The following TMCO5A variants were observed in gnomAD, a reference collection of about 807,000 sequenced individuals.
The protein encoded by TMCO5A is transmembrane and coiled-coil domain-containing protein 5A.
A neutral mutation model predicts 42.3 loss-of-function variants in TMCO5A; 34 were observed. The ratio of observed to expected loss-of-function variants is 0.80; its 90% CI spans 0.61 to 1.07. The LOEUF is 1.07. Ranked by LOEUF, TMCO5A falls within the 50% of genes least tolerant of loss-of-function variation. The pLI is 0.00. For synonymous variants in TMCO5A, 131 were observed against 115.6 expected (o/e 1.13, Z -0.86); for missense variants, 357 against 327.9 (o/e 1.09, Z -0.69).
the TMCO5A span, among the ~76,000 whole-genome samples, chr15:37,984,402 A>C: frequency 6.6e-6 from 1 of 152,204 alleles, no homozygotes; most frequent in Non-Finnish European, 1.5e-5. Context: ...AGGGACTTTC[A>C]GAGGACCAGA....
the TMCO5A span, among the ~76,000 whole-genome samples, chr15:38,035,686 T>C: frequency 6.6e-6 from 1 of 152,154 alleles, no homozygotes; most frequent in South Asian, 2.1e-4. Flanking sequence ...GTGGCAGCAT[T>C]TACCCTTTAG....
At chr15:37,955,890 A>G (rs1037915606), downstream of TMCO5A, among the ~76,000 whole-genome samples, 5 of 152,136 alleles carry the variant, frequency 3.3e-5, no homozygotes, top group Admixed American at 6.6e-5. Context: ...ATCATAACAA[A>G]CAGCCTCTCA....
chr15:37,945,238 G>C (rs1244963408), intron 10 of TMCO5A, among the ~76,000 whole-genome samples: 1 of 152,076 alleles, frequency 6.6e-6, no homozygotes, highest in Non-Finnish European at 1.5e-5. Context: ...AGTATTCCAT[G>C]ATGTATATAT....
downstream of TMCO5A, among the ~76,000 whole-genome samples, chr15:37,955,880 A>G (rs1182858802): frequency 6.6e-6 from 1 of 152,198 alleles, no homozygotes; most frequent in African/African-American, 2.4e-5. Flanking sequence ...AAGAATGGAA[A>G]TCATAACAAA....
chr15:37,952,229 G>T (rs1434341634), downstream of TMCO5A, among the ~76,000 whole-genome samples: 2 of 152,034 alleles, frequency 1.3e-5, no homozygotes, highest in African/African-American at 2.4e-5. Flanking sequence ...GGCAGGGAGT[G>T]GGGGTGGTCA....
chr15:37,952,937 T>C (rs1395892878), downstream of TMCO5A, among the ~76,000 whole-genome samples: 2 of 152,188 alleles, frequency 1.3e-5, no homozygotes, highest in Non-Finnish European at 2.9e-5. Flanking sequence ...GTACTCCCCA[T>C]AGGCCTATGG....
the TMCO5A span, among the ~76,000 whole-genome samples, chr15:38,014,580 G>A: frequency 6.6e-6 from 1 of 152,080 alleles, no homozygotes; most frequent in Non-Finnish European, 1.5e-5. Flanking sequence ...AAGAGTTAGA[G>A]GGATTTCTGA....
At chr15:38,031,184 CCTGTGGATGGACT>C in the TMCO5A span, among the ~76,000 whole-genome samples, 7 of 152,138 alleles carry the variant, frequency 4.6e-5, no homozygotes, top group Non-Finnish European at 1.0e-4. Flanking sequence ...AATCTCCAGT[CCTGTGGATGGACT>C]CTGTTTAAAA....
Position 37,942,230 on chromosome 15 carries a change from G to C in TMCO5A, c.544G>C (p.Glu182Gln). 6.2e-7 allele frequency: 1 copy of C among 1,612,942 alleles called. No individual in the cohort carries two copies. The highest frequency in any genetic ancestry group is 1.3e-5 in the African/African-American group (1 of 74,968). Reference protein sequence around the residue: ...ETLKKIEEELEALFLEREVSK... With the variant: ...ETLKKIEEELQALFLEREVSK... ...GTTGAAGAAAATAGAAGAAGAACTA[G>C]AGGCTCTGTTCCTTGAGAGAGAAGT... The change falls in exon 9 of 12, where the codon GAG (glutamate) becomes CAG (glutamine). Residue 182 changes from glutamate to glutamine, a missense_variant. Physicochemically the swap from Glu to Gln is conservative, Grantham distance 29 (BLOSUM62 2). Transcript: ENST00000319669.
chr15:37,936,491 T>C (rs1889516192), intron 3 of TMCO5A, 28 bp downstream of exon 3: 1 of 1,594,634 alleles, frequency 6.3e-7, no homozygotes, highest in African/African-American at 1.4e-5. Flanking sequence ...ATGAGGGAAG[T>C]TCCCAATCCA....
Position 37,934,687 on chromosome 15 carries a change from AAG to A in TMCO5A, c.-109_-108del, listed in dbSNP as rs914196259. The A allele has an allele frequency of 8.5e-5, 13 of 152,170 alleles. No homozygotes were observed. Among genetic ancestry groups the A allele is most frequent in the African/African-American group, 3.1e-4 (13 of 41,442 alleles). 9.4% of individuals were successfully genotyped at this position (152,170 alleles called of 1,614,324 possible). On this transcript the variant is annotated 5_prime_UTR_variant, in exon 1 of 12. Coordinates refer to ENST00000319669, the MANE Select transcript of TMCO5A (RefSeq NM_152453.4). ...GATCAGGAAGACAAGACACATCAAA[AAG>A]GGGAGGTAGAGTTTGTAGAAGAAAT...
intron 11 of TMCO5A, among the ~76,000 whole-genome samples, chr15:37,949,717 A>G (rs77934592): frequency 0.012 from 1,757 of 152,242 alleles, 40 homozygotes; most frequent in African/African-American, 0.04. Flanking sequence ...CTAAAAAAAA[A>G]AAATAAAAAT....
chr15:37,952,289 G>A (rs536875296), downstream of TMCO5A, among the ~76,000 whole-genome samples: 4 of 152,228 alleles, frequency 2.6e-5, no homozygotes, highest in East Asian at 7.7e-4. Context: ...ATCCCAGGCA[G>A]CACAGCTCAT....
exon 12 of TMCO5A, chr15:37,966,821 C>A: frequency 6.2e-6 from 4 of 642,250 alleles, no homozygotes; most frequent in Non-Finnish European, 1.1e-5. Context: ...ATGGAGTACT[C>A]TGATTGGTCA....
chr15:37,993,871 G>C, the TMCO5A span, among the ~76,000 whole-genome samples: 10 of 152,202 alleles, frequency 6.6e-5, no homozygotes, highest in East Asian at 1.9e-3. Flanking sequence ...CTGCTACTCT[G>C]CTAAAAGCTG....
At chr15:38,014,853 T>TTATATATATATATA in the TMCO5A span, among the ~76,000 whole-genome samples, 83 of 54,606 alleles carry the variant, frequency 1.5e-3, 8 homozygotes, top group East Asian at 3.2e-3. Context: ...AGGAGAAAGA[T>TTATATATATATATA]TATATATATA....
At chr15:38,003,294 A>G in the TMCO5A span, among the ~76,000 whole-genome samples, 1 of 150,700 alleles carries the variant, frequency 6.6e-6, no homozygotes, top group Non-Finnish European at 1.5e-5. Context: ...GGGAGGAGTG[A>G]CAGAAGCACT....
the TMCO5A span, among the ~76,000 whole-genome samples, chr15:38,025,938 T>G: frequency 6.6e-6 from 1 of 152,220 alleles, no homozygotes; most frequent in Non-Finnish European, 1.5e-5. Context: ...GCCGCTGCCA[T>G]GTAAGAAGTG....
chr15:37,945,003 C>A (rs955247745), intron 10 of TMCO5A, among the ~76,000 whole-genome samples: 1 of 151,948 alleles, frequency 6.6e-6, no homozygotes, highest in African/African-American at 2.4e-5. Context: ...ACTAGCTATT[C>A]TTCCTAATGC....
Sources: gnomAD v4.1 joint callset for allele counts (sites outside exome capture counted in the v4.1 genomes callset) on GRCh38, gnomAD v4.1.1 for gene constraint, MANE v1.5 for transcripts, NCBI Gene and HGNC (gene_info 2026-07-23, HGNC 2026-07-21) for gene names.